Variants in HMG20A observed in about 807,000 individuals in gnomAD.
HMG20A encodes the protein high mobility group 20A, also known as high mobility group protein 20A.
Under a neutral mutation model 43.9 loss-of-function variants are expected in HMG20A, and 17 were observed. That is an observed-to-expected ratio of 0.39 (90% CI 0.27 to 0.58). HMG20A has a LOEUF of 0.58. Ranked by LOEUF, HMG20A falls within the 20% of genes least tolerant of loss-of-function variation. The pLI, the probability that HMG20A is intolerant of heterozygous loss-of-function variation, is 0.59. For missense variants in HMG20A, 341 were observed against 438.2 expected (o/e 0.78, Z 1.98); for synonymous variants, 132 against 147.5 (o/e 0.89, Z 0.76).
intron 1 of HMG20A, among the ~76,000 whole-genome samples, chr15:77,434,802 T>C (rs2073528602): frequency 6.6e-6 from 1 of 151,848 alleles, no homozygotes; most frequent in Non-Finnish European, 1.5e-5. Flanking sequence ...GTGTGTGTAT[T>C]TTTACAGCCA....
At chr15:77,471,524 G>T (rs952292827) in intron 5 of HMG20A, among the ~76,000 whole-genome samples, 1 of 152,152 alleles carries the variant, frequency 6.6e-6, no homozygotes, top group Admixed American at 6.6e-5. Context: ...TGTGTCTTCT[G>T]TCCACTCTTC....
chr15:77,444,235 T>G (rs1346154849), intron 1 of HMG20A, among the ~76,000 whole-genome samples: 1 of 152,208 alleles, frequency 6.6e-6, no homozygotes, highest in Non-Finnish European at 1.5e-5. Flanking sequence ...ATAACGCCTC[T>G]ACTTGGTACT....
chr15:77,438,589 C>T (rs1423884557), intron 1 of HMG20A, among the ~76,000 whole-genome samples: 2 of 152,076 alleles, frequency 1.3e-5, no homozygotes, highest in African/African-American at 4.8e-5. Flanking sequence ...TTGCTTTCTC[C>T]ATCTTAGATG....
chr15:77,488,878 T>C (rs1381318831), downstream of HMG20A, among the ~76,000 whole-genome samples: 1 of 152,248 alleles, frequency 6.6e-6, no homozygotes, highest in Non-Finnish European at 1.5e-5. Flanking sequence ...ACACTTTTAA[T>C]GTAAAATGTG....
intron 1 of HMG20A, among the ~76,000 whole-genome samples, chr15:77,457,119 A>T (rs948279331): frequency 4.9e-4 from 75 of 152,366 alleles, no homozygotes; most frequent in African/African-American, 1.7e-3. Flanking sequence ...TAATAAACTT[A>T]GAAGTGAGAA....
At chr15:77,428,710 A>C (rs1323202742) in intron 1 of HMG20A, among the ~76,000 whole-genome samples, 1 of 152,182 alleles carries the variant, frequency 6.6e-6, no homozygotes, top group Non-Finnish European at 1.5e-5. Context: ...GGCTTCTGTA[A>C]TCCCAACACT....
intron 2 of HMG20A, among the ~76,000 whole-genome samples, chr15:77,460,984 C>CA (rs1253251689): frequency 3.3e-5 from 5 of 149,346 alleles, no homozygotes; most frequent in Non-Finnish European, 5.9e-5. Flanking sequence ...AGCTCCATCT[C>CA]AAAAAAAGAA....
chr15:77,422,338 A>T (rs1033974742), intron 1 of HMG20A, among the ~76,000 whole-genome samples: 2 of 152,134 alleles, frequency 1.3e-5, no homozygotes, highest in African/African-American at 4.8e-5. Context: ...TAGTTTTTTT[A>T]AAAAGCTGTT....
intron 1 of HMG20A, among the ~76,000 whole-genome samples, chr15:77,443,926 G>A (rs1182698606): frequency 6.6e-6 from 1 of 151,948 alleles, no homozygotes; most frequent in East Asian, 1.9e-4. Context: ...GCCCCGGCTG[G>A]TCTCAAATTC....
chr15:77,513,946 G>A, the HMG20A span, among the ~76,000 whole-genome samples: 1 of 152,182 alleles, frequency 6.6e-6, no homozygotes, highest in Non-Finnish European at 1.5e-5. Flanking sequence ...GGATGGTCTC[G>A]ATCTCTTGAC....
chr15:77,508,757 AT>A, the HMG20A span, among the ~76,000 whole-genome samples: 1 of 152,258 alleles, frequency 6.6e-6, no homozygotes, highest in African/African-American at 2.4e-5. Context: ...GAAATTATCC[AT>A]TTTTAAAAAT....
rs574992959 is a variant in HMG20A at position 77,467,310 on chromosome 15, A to G, written c.450+3A>G. 1.2e-6 allele frequency: 2 copies of G among 1,602,374 alleles called. No individual in the cohort carries two copies. The highest frequency in any genetic ancestry group is 1.1e-5 in the South Asian group (1 of 90,822). The stretch of plus-strand genomic sequence containing the variant: ...AACTGCCTCCTGAGGAAAAACAGGT[A>G]ATTGTTCCTATTCCTGACTCTTTGT... On this transcript the variant is annotated splice_donor_region_variant and intron_variant, in intron 4 of 9. Coordinates refer to ENST00000336216, the MANE Select transcript of HMG20A (RefSeq NM_001304504.2).
intron 1 of HMG20A, among the ~76,000 whole-genome samples, chr15:77,436,915 C>T (rs1174858131): frequency 1.3e-5 from 2 of 152,204 alleles, no homozygotes; most frequent in African/African-American, 4.8e-5. Flanking sequence ...TCTGACATGG[C>T]CCCAGATCTG....
At chr15:77,514,621 A>G in the HMG20A span, among the ~76,000 whole-genome samples, 1 of 152,182 alleles carries the variant, frequency 6.6e-6, no homozygotes, top group African/African-American at 2.4e-5. Flanking sequence ...GAGAAGGATG[A>G]GGTGTGGGAA....
intron 1 of HMG20A, among the ~76,000 whole-genome samples, chr15:77,448,984 G>A (rs949280101): frequency 6.6e-6 from 1 of 152,036 alleles, no homozygotes; most frequent in Non-Finnish European, 1.5e-5. Context: ...AGGAGGTAGG[G>A]GTTGCAGTAA....
chr15:77,511,187 A>C, the HMG20A span, among the ~76,000 whole-genome samples: 28 of 152,230 alleles, frequency 1.8e-4, no homozygotes, highest in African/African-American at 6.5e-4. Flanking sequence ...GTTTGAGTGA[A>C]TCCTATGAGG....
intron 3 of HMG20A, among the ~76,000 whole-genome samples, chr15:77,465,073 A>G (rs1020637885): frequency 6.6e-6 from 1 of 152,032 alleles, no homozygotes; most frequent in Non-Finnish European, 1.5e-5. Context: ...TAGCCTGGCC[A>G]ACATGGTGAA....
At chr15:77,482,268 A>G (rs1185346826) in intron 9 of HMG20A, 1 of 152,218 alleles carries the variant, frequency 6.6e-6, no homozygotes, top group African/African-American at 2.4e-5. Context: ...TTATAATGTT[A>G]TAGAATTTTA....
At chr15:77,488,017 T>C (rs960236878), downstream of HMG20A, among the ~76,000 whole-genome samples, 3 of 152,164 alleles carry the variant, frequency 2.0e-5, no homozygotes, top group African/African-American at 7.2e-5. Context: ...GAGGTAGAAA[T>C]GTAAATTCTC....
Sources: allele counts gnomAD v4.1 joint callset (sites outside exome capture counted in the v4.1 genomes callset), GRCh38; gene constraint gnomAD v4.1.1; transcripts MANE v1.5; gene names NCBI Gene and HGNC (gene_info 2026-07-23, HGNC 2026-07-21).